The following LYPD6 variants were observed in gnomAD, a reference collection of about 807,000 sequenced individuals.
LYPD6 encodes LY6/PLAUR domain containing 6, also known as ly6/PLAUR domain-containing protein 6.
In LYPD6, 15 loss-of-function variants were observed where a neutral mutation model predicts 22.7. The ratio of observed to expected loss-of-function variants is 0.66; its 90% CI spans 0.44 to 1.02. The LOEUF (loss-of-function observed/expected upper bound fraction) is 1.02, where lower values mean the gene tolerates loss of function less well. LYPD6 is among the 50% of genes least tolerant of loss of function. The probability of loss-of-function intolerance (pLI) is 0.00; values close to 1 mark genes in which losing one functional copy is unlikely to be tolerated. For synonymous variants in LYPD6, 72 were observed against 77.5 expected (o/e 0.93, Z 0.37); for missense variants, 189 against 208.4 (o/e 0.91, Z 0.57).
chr2:149,384,648 G>A (rs1036433335), intron 1 of LYPD6, among the ~76,000 whole-genome samples: 1 of 152,196 alleles, frequency 6.6e-6, no homozygotes, highest in East Asian at 1.9e-4. Flanking sequence ...GACCCAAGGT[G>A]TCACCATGCA....
At chr2:149,470,011 G>C (rs1573834769) in intron 4 of LYPD6, among the ~76,000 whole-genome samples, 2 of 152,162 alleles carry the variant, frequency 1.3e-5, no homozygotes, top group East Asian at 3.8e-4. Flanking sequence ...CAAGGTTTGA[G>C]ATTCTGCACT....
the LYPD6 span, among the ~76,000 whole-genome samples, chr2:149,480,531 A>C: frequency 3.6e-5 from 1 of 27,856 alleles, no homozygotes; most frequent in East Asian, 0.015. Flanking sequence ...GGGACCCTGA[A>C]CTTCCTTTCA....
At chr2:149,478,188 G>A (rs1681471528), downstream of LYPD6, among the ~76,000 whole-genome samples, 1 of 152,070 alleles carries the variant, frequency 6.6e-6, no homozygotes, top group Admixed American at 6.6e-5. Context: ...TAAAGACAGT[G>A]GGACAGCAAG....
intron 1 of LYPD6, among the ~76,000 whole-genome samples, chr2:149,366,444 C>A (rs1487268233): frequency 6.6e-6 from 1 of 152,070 alleles, no homozygotes; most frequent in Non-Finnish European, 1.5e-5. Flanking sequence ...TGTAAATGAG[C>A]GAGAATAAAG....
intron 1 of LYPD6, among the ~76,000 whole-genome samples, chr2:149,365,816 A>G (rs1284204865): frequency 6.6e-6 from 1 of 152,156 alleles, no homozygotes; most frequent in Non-Finnish European, 1.5e-5. Context: ...GAGGACCACA[A>G]ACTATGATAT....
At chr2:149,370,526 C>T (rs1681784632) in intron 1 of LYPD6, 1 of 152,092 alleles carries the variant, frequency 6.6e-6, no homozygotes. Flanking sequence ...TGAGGGTGAG[C>T]AACAAGGCAC....
At chr2:149,432,292 A>G (rs1263555201) in intron 1 of LYPD6, among the ~76,000 whole-genome samples, 1 of 152,240 alleles carries the variant, frequency 6.6e-6, no homozygotes, top group Non-Finnish European at 1.5e-5. Context: ...ACACACAAAC[A>G]TGTACATGAA....
At chr2:149,359,081 C>G (rs187070793) in intron 1 of LYPD6, among the ~76,000 whole-genome samples, 55 of 152,200 alleles carry the variant, frequency 3.6e-4, no homozygotes, top group African/African-American at 1.2e-3. Context: ...TTTAAAAAAA[C>G]TCATTTGTTG....
chr2:149,346,304 C>G (rs1477743007), intron 1 of LYPD6, among the ~76,000 whole-genome samples: 1 of 152,008 alleles, frequency 6.6e-6, no homozygotes, highest in South Asian at 2.1e-4. Flanking sequence ...AAAGTTTTTA[C>G]ACAGATTTCA....
At chr2:149,429,862 T>C (rs144887415) in intron 1 of LYPD6, among the ~76,000 whole-genome samples, 1 of 152,342 alleles carries the variant, frequency 6.6e-6, no homozygotes, top group Non-Finnish European at 1.5e-5. Context: ...GGCTTCCTTA[T>C]AGCATGGCAG....
At chr2:149,436,358 A>G (rs1683430707) in intron 1 of LYPD6, among the ~76,000 whole-genome samples, 1 of 152,236 alleles carries the variant, frequency 6.6e-6, no homozygotes, top group Non-Finnish European at 1.5e-5. Flanking sequence ...TTGGAAAAGT[A>G]GTAGAACATG....
At chr2:149,454,686 A>G (rs1028400466) in intron 3 of LYPD6, among the ~76,000 whole-genome samples, 1 of 152,114 alleles carries the variant, frequency 6.6e-6, no homozygotes, top group African/African-American at 2.4e-5. Context: ...TGATGGTACC[A>G]CTTACAATCT....
rs182494741 is a variant in LYPD6, at chr2:149,378,802, C to T, written c.-72+48080C>T. 2.2e-3 allele frequency among the ~76,000 whole-genome samples: 342 copies of T among 152,276 alleles called. 1 individual carries two copies. The highest frequency in any genetic ancestry group is 0.012 in the South Asian group (58 of 4,832). Reference sequence around the variant, plus strand: ...TCAGTATCTCTCAAATACTCTTTTTCCTCCACTTCTGGGGCATGATCTTGC... The same window carrying T: ...TCAGTATCTCTCAAATACTCTTTTTTCTCCACTTCTGGGGCATGATCTTGC... On this transcript the variant is annotated intron_variant, in intron 1 of 4. Coordinates refer to ENST00000334166, the MANE Select transcript of LYPD6 (RefSeq NM_194317.5).
intron 1 of LYPD6, among the ~76,000 whole-genome samples, chr2:149,390,203 AAC>A (rs149681947): frequency 0.011 from 1,678 of 152,310 alleles, 35 homozygotes; most frequent in African/African-American, 0.039. Flanking sequence ...GAAAATCTTT[AAC>A]CATGCAATGG....
chr2:149,344,145 T>G (rs75505439), intron 1 of LYPD6, among the ~76,000 whole-genome samples: 2,880 of 152,258 alleles, frequency 0.019, 104 homozygotes, highest in African/African-American at 0.066. Context: ...GAATGTACAA[T>G]TAGTTTGTCT....
intron 1 of LYPD6, among the ~76,000 whole-genome samples, chr2:149,378,867 A>G (rs537851674): frequency 6.6e-6 from 1 of 152,288 alleles, no homozygotes; most frequent in South Asian, 2.1e-4. Flanking sequence ...ACTTGTGCCT[A>G]TATCCTTGTT....
rs114837496 is a variant in LYPD6, at chr2:149,445,769, A to G, written c.119-3280A>G. 5.4e-3 allele frequency among the ~76,000 whole-genome samples: 816 copies of G among 152,294 alleles called. 8 individuals are homozygous for G. Among genetic ancestry groups the G allele is most frequent in the Admixed American group, 0.014 (212 of 15,300 alleles). The stretch of plus-strand genomic sequence containing the variant: ...TTTGATCTTCTATCCAGACCACTCA[A>G]ACTTTCTCTGTATCAGCAAAAAGGC... On this transcript the variant is annotated intron_variant, in intron 2 of 4. Coordinates refer to ENST00000334166, the MANE Select transcript of LYPD6 (RefSeq NM_194317.5).
intron 1 of LYPD6, among the ~76,000 whole-genome samples, chr2:149,366,355 G>A (rs1681665091): frequency 6.6e-6 from 1 of 152,162 alleles, no homozygotes; most frequent in Non-Finnish European, 1.5e-5. Context: ...CACTGCATTG[G>A]TAGATAAGGG....
chr2:149,431,125 C>T (rs779073589), intron 1 of LYPD6, among the ~76,000 whole-genome samples: 16 of 152,096 alleles, frequency 1.1e-4, no homozygotes, highest in African/African-American at 3.1e-4. Context: ...TCTGTCAGAG[C>T]GGTATTAGAT....
Sources: allele counts gnomAD v4.1 joint callset (sites outside exome capture counted in the v4.1 genomes callset), GRCh38; gene constraint gnomAD v4.1.1; transcripts MANE v1.5; gene names NCBI Gene and HGNC (gene_info 2026-07-23, HGNC 2026-07-21).